The following TBC1D5 variants were observed in gnomAD, a reference collection of about 807,000 sequenced individuals.
TBC1D5 encodes the protein TBC1 domain family, member 5.
A neutral mutation model predicts 100.3 loss-of-function variants in TBC1D5; 75 were observed. The ratio of observed to expected loss-of-function variants is 0.75; its 90% confidence interval spans 0.62 to 0.91. The LOEUF (loss-of-function observed/expected upper bound fraction) is 0.91. Ranked by LOEUF, TBC1D5 falls within the 40% of genes least tolerant of loss-of-function variation. The probability of loss-of-function intolerance (pLI) is 0.00; values close to 1 mark genes in which losing one functional copy is unlikely to be tolerated. For missense variants in TBC1D5, 910 were observed against 942.4 expected (o/e 0.97, Z 0.45); for synonymous variants, 323 against 325.6 (o/e 0.99, Z 0.09).
At chr3:17,414,165 G>A (rs1008435475) in intron 4 of TBC1D5, among the ~76,000 whole-genome samples, 1 of 152,148 alleles carries the variant, frequency 6.6e-6, no homozygotes, top group African/African-American at 2.4e-5. Context: ...TAAGATAATA[G>A]AACAAAGTGG....
At chr3:17,466,142 T>G (rs957457304) in intron 3 of TBC1D5, among the ~76,000 whole-genome samples, 1 of 152,222 alleles carries the variant, frequency 6.6e-6, no homozygotes, top group Admixed American at 6.5e-5. Context: ...AAAAATATTT[T>G]GCCTCTGCCT....
chr3:17,416,869 G>C (rs1318811087), intron 4 of TBC1D5, among the ~76,000 whole-genome samples: 1 of 152,126 alleles, frequency 6.6e-6, no homozygotes, highest in Non-Finnish European at 1.5e-5. Context: ...GAAAGAACTA[G>C]ACCCAAGATT....
intron 1 of TBC1D5, among the ~76,000 whole-genome samples, chr3:17,714,070 C>A (rs2075010541): frequency 6.6e-6 from 1 of 152,144 alleles, no homozygotes; most frequent in Non-Finnish European, 1.5e-5. Context: ...AGGCTGTCTT[C>A]CCTGTGTGTC....
intron 1 of TBC1D5, chr3:17,644,061 G>A (rs1322757797): frequency 2.0e-5 from 3 of 152,012 alleles, no homozygotes. Context: ...ATATCTCTCA[G>A]AATGGTGAAT....
At chr3:17,640,170 G>GT (rs1387065265) in intron 1 of TBC1D5, among the ~76,000 whole-genome samples, 1 of 151,922 alleles carries the variant, frequency 6.6e-6, no homozygotes, top group East Asian at 1.9e-4. Flanking sequence ...TCCTACAAAG[G>GT]TATCTCCTGA....
chr3:17,306,536 C>A (rs967717103), intron 14 of TBC1D5, among the ~76,000 whole-genome samples: 9 of 152,028 alleles, frequency 5.9e-5, no homozygotes, highest in Non-Finnish European at 8.8e-5. Context: ...TGTGTAAGGA[C>A]TTCAGGTGCC....
At chr3:17,628,674 T>C (rs577712333) in intron 1 of TBC1D5, among the ~76,000 whole-genome samples, 6 of 152,334 alleles carry the variant, frequency 3.9e-5, no homozygotes, top group Admixed American at 1.3e-4. Flanking sequence ...ATATATAATC[T>C]TTACCATCAT....
chr3:17,431,156 C>G (rs1265696802), intron 3 of TBC1D5, among the ~76,000 whole-genome samples: 2 of 151,840 alleles, frequency 1.3e-5, no homozygotes, highest in Non-Finnish European at 2.9e-5. Flanking sequence ...AAAATAACAA[C>G]AGAGGGTGCA....
chr3:17,644,199 A>G (rs959448458), intron 1 of TBC1D5: 1 of 152,110 alleles, frequency 6.6e-6, no homozygotes, highest in African/African-American at 2.4e-5. Flanking sequence ...ATGCCAAAAG[A>G]CTTCAAGTTT....
At chr3:17,713,202 G>T (rs575855994) in intron 1 of TBC1D5, among the ~76,000 whole-genome samples, 140 of 151,080 alleles carry the variant, frequency 9.3e-4, no homozygotes, top group African/African-American at 3.3e-3. Context: ...GATAAACTGG[G>T]TATCATCAAA....
At chr3:17,418,829 G>A (rs1228310694) in intron 4 of TBC1D5, among the ~76,000 whole-genome samples, 1 of 152,150 alleles carries the variant, frequency 6.6e-6, no homozygotes, top group African/African-American at 2.4e-5. Flanking sequence ...TCAAAATGAA[G>A]TCACTTGTGT....
chr3:17,570,277 T>C (rs1444779120), intron 2 of TBC1D5, among the ~76,000 whole-genome samples: 1 of 152,046 alleles, frequency 6.6e-6, no homozygotes, highest in Non-Finnish European at 1.5e-5. Context: ...AGAAGCATTG[T>C]CAAATGCCTA....
chr3:17,190,766 C>T (rs2069778595), intron 18 of TBC1D5, among the ~76,000 whole-genome samples: 1 of 152,170 alleles, frequency 6.6e-6, no homozygotes, highest in Non-Finnish European at 1.5e-5. Context: ...TGGAGTTCTG[C>T]TTAGCTTCTA....
chr3:17,517,577 A>G (rs980445608), intron 2 of TBC1D5, among the ~76,000 whole-genome samples: 6 of 152,196 alleles, frequency 3.9e-5, no homozygotes, highest in African/African-American at 1.4e-4. Context: ...AAAGTTAACC[A>G]CTGGAATTTC....
intron 1 of TBC1D5, among the ~76,000 whole-genome samples, chr3:17,690,849 C>T (rs2071048533): frequency 6.6e-6 from 1 of 152,180 alleles, no homozygotes; most frequent in Non-Finnish European, 1.5e-5. Flanking sequence ...AAAGGGGGGA[C>T]TGCTGCTTTA....
At chr3:17,674,321 AC>A (rs1235967224) in intron 1 of TBC1D5, among the ~76,000 whole-genome samples, 4 of 152,222 alleles carry the variant, frequency 2.6e-5, no homozygotes, top group Admixed American at 2.6e-4. Flanking sequence ...TTAAATTTGT[AC>A]ATGAAAACAA....
At chr3:17,691,315 T>C (rs141357687) in intron 1 of TBC1D5, among the ~76,000 whole-genome samples, 66 of 152,292 alleles carry the variant, frequency 4.3e-4, no homozygotes, top group African/African-American at 1.5e-3. Flanking sequence ...CTGTATTCCA[T>C]CTCTATAATT....
At chr3:17,420,936 T>A (rs922044716) in intron 4 of TBC1D5, among the ~76,000 whole-genome samples, 2 of 152,074 alleles carry the variant, frequency 1.3e-5, no homozygotes, top group Non-Finnish European at 1.5e-5. Flanking sequence ...TGAAAAAAAA[T>A]TTCCCCTAAA....
intron 13 of TBC1D5, among the ~76,000 whole-genome samples, chr3:17,359,698 G>C (rs534362292): frequency 1.2e-4 from 18 of 152,072 alleles, no homozygotes; most frequent in African/African-American, 4.3e-4. Flanking sequence ...GTAATCACTA[G>C]TATAAGTGAT....
Sources: allele counts gnomAD v4.1 joint callset (sites outside exome capture counted in the v4.1 genomes callset), GRCh38; gene constraint gnomAD v4.1.1; transcripts MANE v1.5; gene names NCBI Gene and HGNC (gene_info 2026-07-23, HGNC 2026-07-21).